DEUP1: variants seen among roughly 807,000 people sequenced by gnomAD.
DEUP1 encodes coiled-coil domain containing 67.
A neutral mutation model predicts 87.4 loss-of-function variants in DEUP1; 82 were observed. The observed-to-expected ratio is 0.94, with a 90% CI of 0.78 to 1.13. DEUP1 has a LOEUF of 1.13. DEUP1 is among the 50% of genes most tolerant of loss of function. The pLI is 0.00. For missense variants in DEUP1, 663 were observed against 681.5 expected (o/e 0.97, Z 0.30); for synonymous variants, 214 against 222.7 (o/e 0.96, Z 0.35).
intron 13 of DEUP1, among the ~76,000 whole-genome samples, chr11:93,437,190 GC>G (rs1173502524): frequency 2.0e-5 from 3 of 152,138 alleles, no homozygotes; most frequent in African/African-American, 7.2e-5. Context: ...CTTTACTTTA[GC>G]TTTTTGGAGT....
intron 2 of DEUP1, among the ~76,000 whole-genome samples, chr11:93,346,268 T>C (rs117989232): frequency 0.011 from 1,723 of 152,276 alleles, 22 homozygotes; most frequent in South Asian, 0.071. Context: ...CCCTGTAGTA[T>C]AGTTTGAATT....
At chr11:93,353,883 G>A (rs989000134) in intron 2 of DEUP1, among the ~76,000 whole-genome samples, 2 of 152,232 alleles carry the variant, frequency 1.3e-5, no homozygotes, top group Non-Finnish European at 2.9e-5. Context: ...GGCCTGTGAT[G>A]GGAGGGGCTG....
intron 9 of DEUP1, among the ~76,000 whole-genome samples, chr11:93,392,746 A>G (rs16918870): frequency 0.077 from 11,726 of 152,096 alleles, 1,471 homozygotes; most frequent in African/African-American, 0.26. Context: ...AAAAAAATCC[A>G]TTTTAAAAAA....
intron 7 of DEUP1, among the ~76,000 whole-genome samples, chr11:93,380,769 A>AT (rs1202831835): frequency 1.3e-5 from 2 of 151,818 alleles, no homozygotes; most frequent in Non-Finnish European, 2.9e-5. Flanking sequence ...TACCAATATT[A>AT]TTTTTTTACA....
intron 10 of DEUP1, among the ~76,000 whole-genome samples, chr11:93,395,075 C>G (rs1011397707): frequency 2.6e-5 from 4 of 152,102 alleles, no homozygotes; most frequent in Non-Finnish European, 5.9e-5. Context: ...TTCTTTCAGG[C>G]TTTTTACAAA....
At chr11:93,385,604 T>G (rs1946505365) in intron 8 of DEUP1, 61 bp downstream of exon 8, 7 of 1,330,800 alleles carry the variant, frequency 5.3e-6, no homozygotes, top group Admixed American at 2.6e-5. Context: ...TTGAATGTTT[T>G]TAAGAGTTTT....
intron 6 of DEUP1, among the ~76,000 whole-genome samples, chr11:93,370,746 AT>A (rs1279280590): frequency 1.3e-5 from 2 of 152,132 alleles, no homozygotes; most frequent in South Asian, 4.2e-4. Flanking sequence ...GTATAATTGA[AT>A]TTTTTACACC....
chr11:93,387,902 G>T (rs976141076), intron 8 of DEUP1, among the ~76,000 whole-genome samples: 2 of 151,996 alleles, frequency 1.3e-5, no homozygotes, highest in Non-Finnish European at 2.9e-5. Context: ...TATGGGAAGT[G>T]TATATTTCTT....
At chr11:93,404,572 CT>C (rs1282651715) in intron 11 of DEUP1, among the ~76,000 whole-genome samples, 2 of 152,054 alleles carry the variant, frequency 1.3e-5, no homozygotes, top group Admixed American at 1.3e-4. Flanking sequence ...TGTCAAAATG[CT>C]TTTTTAGCAT....
intron 2 of DEUP1, among the ~76,000 whole-genome samples, chr11:93,345,272 G>C (rs1165829930): frequency 6.6e-6 from 1 of 152,116 alleles, no homozygotes; most frequent in Non-Finnish European, 1.5e-5. Flanking sequence ...TGGGCAATTA[G>C]GTTGATTCGT....
intron 11 of DEUP1, among the ~76,000 whole-genome samples, chr11:93,398,026 C>A (rs1446628470): frequency 1.3e-5 from 2 of 152,034 alleles, no homozygotes; most frequent in Non-Finnish European, 2.9e-5. Context: ...CACTCATCTA[C>A]CCGCATTATA....
intron 2 of DEUP1, among the ~76,000 whole-genome samples, chr11:93,338,176 C>G (rs941339183): frequency 2.6e-5 from 4 of 152,120 alleles, no homozygotes; most frequent in African/African-American, 9.7e-5. Flanking sequence ...CCTCCTTGAA[C>G]TCAAGAAGCA....
intron 5 of DEUP1, among the ~76,000 whole-genome samples, chr11:93,368,280 C>T (rs948678453): frequency 6.6e-6 from 1 of 152,222 alleles, no homozygotes; most frequent in African/African-American, 2.4e-5. Flanking sequence ...ATACCATAGA[C>T]TGGGTGGCAT....
intron 4 of DEUP1, among the ~76,000 whole-genome samples, chr11:93,361,273 G>T (rs1407517813): frequency 6.6e-6 from 1 of 152,020 alleles, no homozygotes; most frequent in East Asian, 1.9e-4. Flanking sequence ...CTAAAAGAAT[G>T]GCTAAAGAAA....
intron 13 of DEUP1, among the ~76,000 whole-genome samples, chr11:93,419,379 C>T (rs1435812455): frequency 1.3e-5 from 2 of 152,156 alleles, no homozygotes; most frequent in Non-Finnish European, 2.9e-5. Context: ...ATGATAGCAT[C>T]AAGGTTGCTT....
At chr11:93,370,524 T>C (rs968105041) in intron 6 of DEUP1, among the ~76,000 whole-genome samples, 13 of 152,236 alleles carry the variant, frequency 8.5e-5, no homozygotes, top group South Asian at 4.1e-4. Context: ...TCTCCTCATA[T>C]ACTTTTTAGC....
chr11:93,354,955 A>T (rs1440623090), intron 2 of DEUP1, among the ~76,000 whole-genome samples: 3 of 152,102 alleles, frequency 2.0e-5, no homozygotes, highest in African/African-American at 7.2e-5. Context: ...GGTACCCTTG[A>T]ATCTCATCCT....
intron 8 of DEUP1, among the ~76,000 whole-genome samples, chr11:93,388,075 C>T (rs1946645582): frequency 6.6e-6 from 1 of 152,086 alleles, no homozygotes; most frequent in Non-Finnish European, 1.5e-5. Context: ...GCAATCTAGT[C>T]TAGATACATG....
intron 2 of DEUP1, among the ~76,000 whole-genome samples, chr11:93,337,099 A>G (rs545811369): frequency 6.6e-6 from 1 of 152,298 alleles, no homozygotes; most frequent in South Asian, 2.1e-4. Context: ...GATCCACCAG[A>G]TTCTTCTTAT....
Sources: gnomAD v4.1 joint callset for allele counts (sites outside exome capture counted in the v4.1 genomes callset) on GRCh38, gnomAD v4.1.1 for gene constraint, MANE v1.5 for transcripts, NCBI Gene and HGNC (gene_info 2026-07-23, HGNC 2026-07-21) for gene names.